Variants in PINX1 observed in about 807,000 individuals in gnomAD.
PINX1 encodes PIN2 (TERF1) interacting telomerase inhibitor 1.
PINX1 carries 34 observed loss-of-function variants against 25.4 expected under a neutral mutation model. That is an observed-to-expected ratio of 1.34 (90% CI 1.02 to 1.78). PINX1 has a LOEUF of 1.78. Ranked by LOEUF, PINX1 falls within the 40% of genes most tolerant of loss-of-function variation. The pLI is 0.00. For synonymous variants in PINX1, 197 were observed against 147.7 expected (o/e 1.33, Z -2.42); for missense variants, 592 against 404.9 (o/e 1.46, Z -3.97).
chr8:10,813,291 A>T (rs9969626), intron 6 of PINX1, among the ~76,000 whole-genome samples: 1 of 151,904 alleles, frequency 6.6e-6, no homozygotes, highest in African/African-American at 2.4e-5. Flanking sequence ...CCTCTTGAAA[A>T]TCACCTAACC....
intron 6 of PINX1, among the ~76,000 whole-genome samples, chr8:10,801,180 C>T (rs1367194438): frequency 6.6e-6 from 1 of 152,144 alleles, no homozygotes; most frequent in Non-Finnish European, 1.5e-5. Context: ...ATTAATCACG[C>T]CTATCCTGCA....
At chr8:10,785,724 G>C (rs1269622546) in intron 6 of PINX1, among the ~76,000 whole-genome samples, 3 of 152,178 alleles carry the variant, frequency 2.0e-5, no homozygotes, top group Middle Eastern at 3.2e-3. Flanking sequence ...AACTTGTGTG[G>C]AAAGACCGAT....
intron 6 of PINX1, among the ~76,000 whole-genome samples, chr8:10,814,992 T>G (rs78297575): frequency 4.7e-4 from 72 of 152,268 alleles, no homozygotes; most frequent in Non-Finnish European, 8.7e-4. Flanking sequence ...CAGGCTGGAG[T>G]GCGATGGCGT....
intron 6 of PINX1, among the ~76,000 whole-genome samples, chr8:10,775,905 T>A (rs1316524941): frequency 1.3e-5 from 2 of 151,898 alleles, no homozygotes; most frequent in Admixed American, 6.5e-5. Context: ...CTGTACAACA[T>A]CTCAGGAAGC....
chr8:10,768,430 T>C (rs921530248), intron 6 of PINX1, among the ~76,000 whole-genome samples: 1 of 152,250 alleles, frequency 6.6e-6, no homozygotes, highest in Non-Finnish European at 1.5e-5. Flanking sequence ...AGTCACTTGT[T>C]GAATTCAGCG....
chr8:10,783,799 AAAT>A (rs1175267282), intron 6 of PINX1, among the ~76,000 whole-genome samples: 6 of 152,228 alleles, frequency 3.9e-5, no homozygotes, highest in Non-Finnish European at 8.8e-5. Context: ...CAGAACTATG[AAAT>A]AATGAGATAT....
intron 6 of PINX1, among the ~76,000 whole-genome samples, chr8:10,806,911 C>T (rs1171422548): frequency 1.3e-5 from 2 of 152,162 alleles, no homozygotes; most frequent in South Asian, 2.1e-4. Flanking sequence ...AAAGACCCGC[C>T]AACTCTGACA....
chr8:10,824,991 C>A (rs1237207314), intron 5 of PINX1, among the ~76,000 whole-genome samples: 2 of 152,180 alleles, frequency 1.3e-5, no homozygotes, highest in African/African-American at 4.8e-5. Context: ...ATACGGGCGA[C>A]AGCCAAGAAA....
chr8:10,812,318 A>T (rs1026764582), intron 6 of PINX1, among the ~76,000 whole-genome samples: 2 of 152,246 alleles, frequency 1.3e-5, no homozygotes, highest in Non-Finnish European at 2.9e-5. Flanking sequence ...GAAAACGTAA[A>T]ACTTCAAGTC....
At chr8:10,817,938 A>C (rs1797750813) in intron 6 of PINX1, among the ~76,000 whole-genome samples, 1 of 152,130 alleles carries the variant, frequency 6.6e-6, no homozygotes, top group Non-Finnish European at 1.5e-5. Flanking sequence ...ATTAAAAAAA[A>C]ATTTTTTTTA....
intron 1 of PINX1, among the ~76,000 whole-genome samples, chr8:10,835,131 T>C (rs575378075): frequency 6.6e-6 from 1 of 152,312 alleles, no homozygotes; most frequent in Non-Finnish European, 1.5e-5. Flanking sequence ...CCATCAGCAG[T>C]AGTAGCAGCA....
At chr8:10,790,961 G>A (rs1226853548) in intron 6 of PINX1, among the ~76,000 whole-genome samples, 1 of 152,102 alleles carries the variant, frequency 6.6e-6, no homozygotes, top group African/African-American at 2.4e-5. Flanking sequence ...TGCCTCGGCT[G>A]GAGTACAAAG....
At chr8:10,772,402 C>T (rs1224345756) in intron 6 of PINX1, among the ~76,000 whole-genome samples, 3 of 152,226 alleles carry the variant, frequency 2.0e-5, no homozygotes, top group Non-Finnish European at 2.9e-5. Flanking sequence ...CTATGGCGGG[C>T]GGCCCTGCTC....
chr8:10,774,846 CAA>C lies in PINX1; in HGVS notation c.472-8932_472-8931del, dbSNP rs149028439. ...ATTTTTAGGAGTAAATTTGGCAAAG[CAA>C]AGTCATTCTATGTTTAAAAGATACC... On this transcript the variant is annotated intron_variant, in intron 6 of 6. Coordinates refer to ENST00000314787, the MANE Select transcript of PINX1 (RefSeq NM_017884.6). 7.9e-3 allele frequency among the ~76,000 whole-genome samples: 1,205 copies of C among 152,088 alleles called. 18 individuals carry two copies. Among genetic ancestry groups the C allele is most frequent in the African/African-American group, 0.028 (1,142 of 41,490 alleles).
At position 10,791,875 on chromosome 8, in the gene PINX1, C is replaced by T. The variant is rs186237366; in HGVS notation, c.472-25959G>A. Among the ~76,000 whole-genome samples, 132 of 152,312 alleles carry T rather than the reference C, an allele frequency of 8.7e-4. 1 individual carries two copies. The highest frequency in any genetic ancestry group is 2.9e-3 in the African/African-American group (119 of 41,568). On this transcript the variant is annotated intron_variant, in intron 6 of 6. Coordinates refer to ENST00000314787, the MANE Select transcript of PINX1 (RefSeq NM_017884.6). Reference sequence around the variant, plus strand: ...GCCTGGGAGCGGGGAGACATCCTGCCCTCTTCCAGGTTGACAAGAAGCGTG... The same window carrying T: ...GCCTGGGAGCGGGGAGACATCCTGCTCTCTTCCAGGTTGACAAGAAGCGTG...
At chr8:10,825,908 C>A (rs1798023430) in intron 5 of PINX1, among the ~76,000 whole-genome samples, 1 of 152,226 alleles carries the variant, frequency 6.6e-6, no homozygotes, top group South Asian at 2.1e-4. Context: ...TTAGCTCAGC[C>A]ACAGGACTTG....
At chr8:10,783,315 T>C (rs899882750) in intron 6 of PINX1, among the ~76,000 whole-genome samples, 5 of 152,152 alleles carry the variant, frequency 3.3e-5, no homozygotes, top group South Asian at 2.1e-4. Context: ...GTGGATGAAA[T>C]AGTGATTTCT....
chr8:10,818,613 A>G (rs1797772296), intron 6 of PINX1, among the ~76,000 whole-genome samples: 2 of 152,136 alleles, frequency 1.3e-5, no homozygotes, highest in African/African-American at 2.4e-5. Context: ...AGCAGGCAGA[A>G]GAGAGGATCA....
chr8:10,766,813 T>A (rs1801064598), intron 6 of PINX1, among the ~76,000 whole-genome samples: 1 of 152,226 alleles, frequency 6.6e-6, no homozygotes, highest in South Asian at 2.1e-4. Flanking sequence ...GCTGTAAAGC[T>A]TGAGAAGCGA....
Sources: allele counts gnomAD v4.1 joint callset (sites outside exome capture counted in the v4.1 genomes callset), GRCh38; gene constraint gnomAD v4.1.1; transcripts MANE v1.5; gene names NCBI Gene and HGNC (gene_info 2026-07-23, HGNC 2026-07-21).